Variants in FAT3 observed in about 807,000 individuals in gnomAD.
The protein encoded by FAT3 is protocadherin Fat 3.
A neutral mutation model predicts 310.2 loss-of-function variants in FAT3; 95 were observed. That is an observed-to-expected ratio of 0.31 (90% CI 0.26 to 0.36). The LOEUF is 0.36. FAT3 is among the 10% of genes least tolerant of loss of function. The probability of loss-of-function intolerance (pLI) is 1.00; values close to 1 mark genes in which losing one functional copy is unlikely to be tolerated. For missense variants in FAT3, 5,408 were observed against 5,715.6 expected, an observed-to-expected ratio of 0.95 and a Z score of 1.74; for synonymous variants, 2,314 against 2,192.9, an observed-to-expected ratio of 1.06 and a Z score of -1.54.
chr11:92,886,866 G>A (rs958846466), intron 24 of FAT3, 134 bp from the exon 25 acceptor site: 4 of 684,360 alleles, frequency 5.8e-6, no homozygotes, highest in Non-Finnish European at 1.0e-5. Flanking sequence ...ATTTTCTACT[G>A]TGGAGCTAAA....
intron 2 of FAT3, among the ~76,000 whole-genome samples, chr11:92,376,362 A>T (rs755935467): frequency 5.3e-5 from 8 of 152,182 alleles, no homozygotes; most frequent in Non-Finnish European, 1.2e-4. Context: ...GCTTTGTCTG[A>T]TATCAGTTCT....
intron 3 of FAT3, among the ~76,000 whole-genome samples, chr11:92,574,024 A>G (rs1452242414): frequency 1.6e-5 from 1 of 63,244 alleles, no homozygotes. Flanking sequence ...ATTGAATAAA[A>G]GAGCAAACAC....
At chr11:92,278,776 G>A in intron 1 of FAT3, among the ~76,000 whole-genome samples, 1 of 152,060 alleles carries the variant, frequency 6.6e-6, no homozygotes, top group East Asian at 1.9e-4. Context: ...TTCATCTTAG[G>A]TTTCCTGTCA....
chr11:92,745,147 T>C (rs1344600068), intron 4 of FAT3, among the ~76,000 whole-genome samples: 1 of 152,176 alleles, frequency 6.6e-6, no homozygotes, highest in South Asian at 2.1e-4. Context: ...AAGCATGAAG[T>C]CCAGCACTAT....
chr11:92,805,048 G>A, intron 10 of FAT3, 105 bp from the exon 11 acceptor site: 1 of 1,129,352 alleles, frequency 8.9e-7, no homozygotes. Context: ...AAATGATACA[G>A]TTTAAGGAGT....
intron 22 of FAT3, among the ~76,000 whole-genome samples, chr11:92,871,013 G>A (rs757550879): frequency 1.3e-5 from 2 of 152,144 alleles, no homozygotes; most frequent in African/African-American, 2.4e-5. Flanking sequence ...CTAGTAAAGT[G>A]GTGAAAGCAC....
At chr11:92,612,771 A>G (rs1247056170) in intron 3 of FAT3, among the ~76,000 whole-genome samples, 2 of 152,208 alleles carry the variant, frequency 1.3e-5, no homozygotes, top group African/African-American at 2.4e-5. Flanking sequence ...TGGAGGAATC[A>G]GGAGAAGCTT....
intron 19 of FAT3, among the ~76,000 whole-genome samples, chr11:92,856,316 T>TG (rs1211889751): frequency 7.0e-6 from 1 of 143,240 alleles, no homozygotes; most frequent in East Asian, 2.1e-4. Context: ...GTTTCAGTTG[T>TG]GGGTTTTTTT....
rs559088371 is a variant in FAT3, at chr11:92,353,673, A to C, written c.1561A>C (p.Ile521Leu). ...TAGCCTGAATTTGTTACCATTTGTC[A>C]TTAATCAGTTTACAGGTGTTATTAG... ...IASLNLLPFVINQFTGVISTT... is the reference protein window; with the variant it reads ...IASLNLLPFVLNQFTGVISTT... Residue 521 changes from isoleucine to leucine, a missense_variant, in exon 2 of 28, where the codon ATT (isoleucine) becomes CTT (leucine). Ile to Leu is a conservative substitution (Grantham distance 5). Transcript: ENST00000525166. The C allele has an allele frequency of 4.3e-6, 7 of 1,613,970 alleles. No homozygotes were observed. The African/African-American group carries it at 5.3e-5, about 12-fold the overall frequency.
At chr11:92,504,502 C>T (rs1301762299) in intron 2 of FAT3, among the ~76,000 whole-genome samples, 2 of 152,072 alleles carry the variant, frequency 1.3e-5, no homozygotes, top group African/African-American at 4.8e-5. Flanking sequence ...ACTGATTACC[C>T]ACTAAAAATA....
chr11:92,708,484 C>G (rs1394203113), intron 4 of FAT3, among the ~76,000 whole-genome samples: 1 of 152,186 alleles, frequency 6.6e-6, no homozygotes, highest in East Asian at 1.9e-4. Context: ...AAAATTGGGA[C>G]AATAATAATA....
At chr11:92,811,551 A>G (rs969594262) in intron 13 of FAT3, among the ~76,000 whole-genome samples, 41 of 152,240 alleles carry the variant, frequency 2.7e-4, no homozygotes, top group Middle Eastern at 3.4e-3. Context: ...AGAACATACT[A>G]TGTCCTCCTT....
At chr11:92,248,481 CA>C (rs1565178221) in intron 1 of FAT3, among the ~76,000 whole-genome samples, 1 of 152,114 alleles carries the variant, frequency 6.6e-6, no homozygotes, top group East Asian at 1.9e-4. Flanking sequence ...TTATAAATAC[CA>C]TATCTGTATT....
At chr11:92,851,213 A>G (rs1948822284) in intron 19 of FAT3, among the ~76,000 whole-genome samples, 1 of 152,180 alleles carries the variant, frequency 6.6e-6, no homozygotes, top group Admixed American at 6.5e-5. Flanking sequence ...AATCTGATCA[A>G]AAAAGGACAA....
chr11:92,755,522 C>T (rs1945967602), intron 4 of FAT3, among the ~76,000 whole-genome samples: 4 of 152,224 alleles, frequency 2.6e-5, no homozygotes, highest in Middle Eastern at 3.4e-3. Flanking sequence ...CTACACCCTG[C>T]CAGAGAGTAG....
At chr11:92,463,550 A>C (rs190405913) in intron 2 of FAT3, among the ~76,000 whole-genome samples, 2 of 152,338 alleles carry the variant, frequency 1.3e-5, no homozygotes. Flanking sequence ...ACTATTTAGC[A>C]TAGTGACTAG....
intron 2 of FAT3, among the ~76,000 whole-genome samples, chr11:92,386,754 G>A (rs1358314062): frequency 6.6e-6 from 1 of 152,178 alleles, no homozygotes; most frequent in Non-Finnish European, 1.5e-5. Flanking sequence ...TTTATTTGGG[G>A]ATTTCCTTGG....
intron 2 of FAT3, among the ~76,000 whole-genome samples, chr11:92,520,462 T>C (rs1299421634): frequency 6.6e-6 from 1 of 152,054 alleles, no homozygotes; most frequent in Non-Finnish European, 1.5e-5. Context: ...GTTTTAGACA[T>C]GGACAGGTTA....
intron 1 of FAT3, among the ~76,000 whole-genome samples, chr11:92,234,611 A>C (rs1195999227): frequency 1.3e-5 from 2 of 152,138 alleles, no homozygotes; most frequent in Non-Finnish European, 2.9e-5. Flanking sequence ...TCTACTAAAA[A>C]ATACAAAAAT....
Sources: gnomAD v4.1 joint callset for allele counts (sites outside exome capture counted in the v4.1 genomes callset) on GRCh38, gnomAD v4.1.1 for gene constraint, MANE v1.5 for transcripts, NCBI Gene and HGNC (gene_info 2026-07-23, HGNC 2026-07-21) for gene names.